PEBP4: variants seen among roughly 807,000 people sequenced by gnomAD.
PEBP4 encodes the protein phosphatidylethanolamine binding protein 4, also known as phosphatidylethanolamine-binding protein 4.
PEBP4 carries 22 observed loss-of-function variants against 23.9 expected under a neutral mutation model. That is an observed-to-expected ratio of 0.92 (90% CI 0.66 to 1.31). PEBP4 has a LOEUF of 1.31. Ranked by LOEUF, PEBP4 falls within the 40% of genes most tolerant of loss-of-function variation. PEBP4 has a pLI of 0.00. For synonymous variants in PEBP4, 112 were observed against 99.3 expected (o/e 1.13, Z -0.76); for missense variants, 324 against 281.7 (o/e 1.15, Z -1.07).
chr8:22,882,306 CG>C (rs1337227693), intron 3 of PEBP4, among the ~76,000 whole-genome samples: 3 of 152,318 alleles, frequency 2.0e-5, no homozygotes, highest in African/African-American at 7.2e-5. Flanking sequence ...GGAAAGTGTG[CG>C]TCAACAGCAC....
intron 4 of PEBP4, among the ~76,000 whole-genome samples, chr8:22,788,025 GA>G (rs1406424552): frequency 6.6e-6 from 1 of 152,148 alleles, no homozygotes; most frequent in Admixed American, 6.5e-5. Context: ...TCTGGCAGAG[GA>G]AAAGTGGGTG....
chr8:22,850,866 G>GA lies in PEBP4; in HGVS notation c.259-33132dup, dbSNP rs151077366. Among the ~76,000 whole-genome samples, 677 of 152,292 alleles carry GA rather than the reference G, an allele frequency of 4.4e-3. 8 individuals are homozygous for GA. Among genetic ancestry groups the GA allele is most frequent in the African/African-American group, 0.016 (651 of 41,550 alleles). Reference sequence around the variant, plus strand: ...CTCATTGCAATGTGATCCAAGTTTAGAAAAGAGTTGGAATAGACTTGGGTT... The same window carrying GA: ...CTCATTGCAATGTGATCCAAGTTTAGAAAAAGAGTTGGAATAGACTTGGGTT... On this transcript the variant is annotated intron_variant, in intron 3 of 6. Coordinates refer to ENST00000256404, the MANE Select transcript of PEBP4 (RefSeq NM_144962.3).
At chr8:22,931,858 C>T (rs1809462474), upstream of PEBP4, among the ~76,000 whole-genome samples, 1 of 150,578 alleles carries the variant, frequency 6.6e-6, no homozygotes, top group Non-Finnish European at 1.5e-5. Context: ...CTCGACCACT[C>T]TCCTTTTTCC....
chr8:22,867,991 C>T (rs146490306), intron 3 of PEBP4, among the ~76,000 whole-genome samples: 8 of 152,150 alleles, frequency 5.3e-5, no homozygotes, highest in African/African-American at 1.7e-4. Flanking sequence ...ATGCACAGAC[C>T]GTAGGCAATA....
At chr8:22,846,887 C>T (rs1487004984) in intron 3 of PEBP4, among the ~76,000 whole-genome samples, 1 of 152,124 alleles carries the variant, frequency 6.6e-6, no homozygotes, top group East Asian at 1.9e-4. Flanking sequence ...CCTGGCAGGG[C>T]ACGATGGCTC....
intron 2 of PEBP4, among the ~76,000 whole-genome samples, chr8:22,921,072 G>A (rs1809189679): frequency 6.6e-6 from 1 of 152,236 alleles, no homozygotes; most frequent in African/African-American, 2.4e-5. Context: ...CTGCAGGGCA[G>A]GGCAGGCCGG....
chr8:22,794,661 A>AT (rs1427112589), intron 4 of PEBP4, among the ~76,000 whole-genome samples: 1 of 151,986 alleles, frequency 6.6e-6, no homozygotes, highest in Non-Finnish European at 1.5e-5. Context: ...TATATTGCAC[A>AT]TTTTTTTCAA....
chr8:22,832,677 C>G (rs1270656456), intron 3 of PEBP4, among the ~76,000 whole-genome samples: 1 of 152,164 alleles, frequency 6.6e-6, no homozygotes, highest in Non-Finnish European at 1.5e-5. Context: ...GGAATGTGAT[C>G]AGATTTCAGC....
chr8:22,796,200 A>G (rs1170796627), intron 4 of PEBP4, among the ~76,000 whole-genome samples: 1 of 152,192 alleles, frequency 6.6e-6, no homozygotes, highest in Admixed American at 6.5e-5. Context: ...TCTGGTACAA[A>G]TATCAGACTC....
chr8:22,770,161 C>A (rs1585263410), intron 4 of PEBP4, among the ~76,000 whole-genome samples: 1 of 152,192 alleles, frequency 6.6e-6, no homozygotes, highest in East Asian at 1.9e-4. Context: ...TGGCGGGCAC[C>A]TTTGTGTGAA....
chr8:22,913,664 A>C (rs1207127435), intron 3 of PEBP4, among the ~76,000 whole-genome samples: 2 of 152,106 alleles, frequency 1.3e-5, no homozygotes, highest in Non-Finnish European at 2.9e-5. Flanking sequence ...CATTGGCTCC[A>C]AAGGAGCTGG....
In PEBP4 at chr8:22,848,152, C is replaced by T. The variant is rs375863453; in HGVS notation, c.259-30417G>A. Among the ~76,000 whole-genome samples the T allele has an allele frequency of 5.9e-5, 9 of 152,226 alleles. No homozygotes were observed. The East Asian group carries it at 9.6e-4, about 16-fold the overall frequency. ...TGTGCTGTAAATACCTTAAATCATG[C>T]TTCATTAAGAATATCTATGGTGCTA... On this transcript the variant is annotated intron_variant, in intron 3 of 6. Transcript: ENST00000256404.
chr8:22,721,607 C>G lies in PEBP4; in HGVS notation c.517+3236G>C, dbSNP rs537151454. On this transcript the variant is annotated intron_variant, in intron 6 of 6. Transcript: ENST00000256404. The stretch of plus-strand genomic sequence containing the variant: ...CCGTCTGCCATAGACGCCCCTCTAC[C>G]TGGCTCCTGTAGGCTGACCTTTCCC... 5.9e-4 allele frequency among the ~76,000 whole-genome samples: 90 copies of G among 152,286 alleles called. 1 individual carries two copies. The highest frequency in any genetic ancestry group is 5.2e-3 in the Admixed American group (80 of 15,304).
In PEBP4 at chr8:22,855,087, G is replaced by C. The variant is rs373930957; in HGVS notation, c.259-37352C>G. 9.9e-5 allele frequency among the ~76,000 whole-genome samples: 15 copies of C among 151,660 alleles called. 1 individual carries two copies. Among genetic ancestry groups the C allele is most frequent in the Admixed American group, 3.3e-4 (5 of 15,244 alleles). ...AGGCGTTTTTTAAACCCTGGAAGAC[G>C]TACCATGGTCCAGGTGTGAACAGCA... On this transcript the variant is annotated intron_variant, in intron 3 of 6. Transcript: ENST00000256404.
chr8:22,730,223 C>T (rs553951762), intron 4 of PEBP4, among the ~76,000 whole-genome samples: 73 of 152,266 alleles, frequency 4.8e-4, no homozygotes, highest in South Asian at 8.3e-4. Context: ...CCCTCCCACC[C>T]GATTTTAGCT....
intron 4 of PEBP4, among the ~76,000 whole-genome samples, chr8:22,800,922 C>CA (rs1431162122): frequency 6.6e-6 from 1 of 152,072 alleles, no homozygotes; most frequent in Non-Finnish European, 1.5e-5. Context: ...ATATATGCCC[C>CA]CCTTTTCTTG....
At chr8:22,912,038 G>A (rs190204379) in intron 3 of PEBP4, among the ~76,000 whole-genome samples, 5 of 152,066 alleles carry the variant, frequency 3.3e-5, no homozygotes, top group Admixed American at 6.6e-5. Flanking sequence ...ATTGGGTAAG[G>A]GGGGGCGCTG....
At chr8:22,747,209 C>T (rs1189305928) in intron 4 of PEBP4, among the ~76,000 whole-genome samples, 6 of 152,234 alleles carry the variant, frequency 3.9e-5, no homozygotes. Context: ...GAAATAGCCA[C>T]ATGCACTTAG....
At chr8:22,901,425 G>T (rs932995954) in intron 3 of PEBP4, among the ~76,000 whole-genome samples, 1 of 152,190 alleles carries the variant, frequency 6.6e-6, no homozygotes, top group African/African-American at 2.4e-5. Flanking sequence ...TGCCCTCTTG[G>T]AACTACCTAG....
Sources: allele counts gnomAD v4.1 joint callset (sites outside exome capture counted in the v4.1 genomes callset), GRCh38; gene constraint gnomAD v4.1.1; transcripts MANE v1.5; gene names NCBI Gene and HGNC (gene_info 2026-07-23, HGNC 2026-07-21).